The following MC2R variants were observed in gnomAD, a reference collection of about 807,000 sequenced individuals.
MC2R encodes the protein melanocortin 2 receptor.
Under a neutral mutation model 9.8 loss-of-function variants are expected in MC2R, and 9 were observed. The ratio of observed to expected loss-of-function variants is 0.92; its 90% CI spans 0.55 to 1.60. The LOEUF is 1.60. Ranked by LOEUF, MC2R falls within the 40% of genes most tolerant of loss-of-function variation. The pLI, the probability that MC2R is intolerant of heterozygous loss-of-function variation, is 0.00. For missense variants in MC2R, 370 were observed against 389.0 expected (o/e 0.95, Z 0.41); for synonymous variants, 185 against 154.7 (o/e 1.20, Z -1.45).
At chr18:13,895,359 G>A (rs9949192) in intron 1 of MC2R, among the ~76,000 whole-genome samples, 9,824 of 152,196 alleles carry the variant, frequency 0.065, 1,001 homozygotes, top group African/African-American at 0.22. Context: ...AGTAGTACCA[G>A]AAAAATGGAC....
At chr18:13,903,813 C>A (rs1404450835) in intron 1 of MC2R, among the ~76,000 whole-genome samples, 1 of 151,832 alleles carries the variant, frequency 6.6e-6, no homozygotes, top group African/African-American at 2.4e-5. Context: ...CTTAATTGTA[C>A]ATTTTTTAAA....
At chr18:13,908,002 C>T (rs561641244) in intron 1 of MC2R, among the ~76,000 whole-genome samples, 8 of 152,198 alleles carry the variant, frequency 5.3e-5, no homozygotes, top group African/African-American at 1.9e-4. Context: ...ATAGAGCTGC[C>T]ATATGATCCA....
chr18:13,884,235 TG>T lies in MC2R; in HGVS notation c.*389del. On this transcript the variant is annotated 3_prime_UTR_variant, in exon 2 of 2. Transcript: ENST00000327606. ...GCCACCTCAGAACTGGCTTGTTAGA[TG>T]TCCACAGGAAAGCAAGTCTTTGCCT... The T allele has an allele frequency of 3.3e-6, 1 of 304,756 alleles. No individual in the cohort carries two copies. Among genetic ancestry groups the T allele is most frequent in the East Asian group, 8.4e-5 (1 of 11,956 alleles). 18.9% of individuals were successfully genotyped at this position (304,756 alleles called of 1,614,324 possible). A position where few individuals can be genotyped will look rare whatever the true frequency, so the allele number is the denominator to read the frequency against.
At position 13,883,009 on chromosome 18, in the gene MC2R, A is replaced by C. The variant is rs1200270850; in HGVS notation, c.*1616T>G. On this transcript the variant is annotated 3_prime_UTR_variant, in exon 2 of 2. Coordinates refer to ENST00000327606, the MANE Select transcript of MC2R (RefSeq NM_000529.2). ...TGAAAGCACGCCTGCCACTGTCCTC[A>C]CTTGACTCCAGCTGCCTTGCCTCCT... The C allele has an allele frequency of 2.6e-5, 4 of 152,284 alleles. No individual in the cohort carries two copies. In the East Asian group the frequency reaches 7.7e-4, roughly 29 times the overall value. The allele number at this position is 152,284 out of a possible 1,614,324, so 9.4% of individuals were successfully genotyped here.
At chr18:13,907,269 G>A (rs972122821) in intron 1 of MC2R, among the ~76,000 whole-genome samples, 5 of 152,122 alleles carry the variant, frequency 3.3e-5, no homozygotes, top group African/African-American at 9.7e-5. Context: ...CATACAATGG[G>A]GAAAGGACAG....
At chr18:13,892,735 A>G (rs1598462733) in intron 1 of MC2R, among the ~76,000 whole-genome samples, 2 of 152,200 alleles carry the variant, frequency 1.3e-5, no homozygotes, top group Admixed American at 1.3e-4. Flanking sequence ...CAATAAAGAA[A>G]AAAAGAGAGC....
chr18:13,914,889 T>A (rs944950773), intron 1 of MC2R, among the ~76,000 whole-genome samples: 3 of 152,188 alleles, frequency 2.0e-5, no homozygotes, highest in African/African-American at 7.2e-5. Context: ...CAGTATGCTT[T>A]TAGTTATTGT....
At chr18:13,890,594 C>A (rs78005244) in intron 1 of MC2R, among the ~76,000 whole-genome samples, 2 of 152,066 alleles carry the variant, frequency 1.3e-5, no homozygotes, top group Admixed American at 6.6e-5. Context: ...AGCTCCTCTC[C>A]GCGTCCCAGC....
In MC2R at chr18:13,885,149, TCA is replaced by T. The variant is rs774181947; in HGVS notation, c.368_369del (p.Val123AspfsTer125). 6.2e-7 allele frequency: 1 copy of T among 1,614,096 alleles called. No homozygotes were observed. On this transcript the variant is annotated frameshift_variant, in exon 2 of 2. Transcript: ENST00000327606. LOFTEE classifies it high-confidence loss of function. The stretch of plus-strand genomic sequence containing the variant: ...ATGGTGATGTAGCGGTCCGCAGCAA[TCA>T]CAGACAGGCTGAAGATGGAGCCAAG... ...SLLGSIFSLS[V>X]IAADRYITIF...
chr18:13,895,322 C>A (rs942009530), intron 1 of MC2R, among the ~76,000 whole-genome samples: 1 of 152,164 alleles, frequency 6.6e-6, no homozygotes, highest in Admixed American at 6.5e-5. Context: ...TTCTAGAGAT[C>A]AAAATGTTGC....
At position 13,884,599 on chromosome 18, in the gene MC2R, G is replaced by A; in HGVS notation, c.*26C>T. 6.2e-7 allele frequency: 1 copy of A among 1,608,684 alleles called. No individual in the cohort carries two copies. Among genetic ancestry groups the A allele is most frequent in the Non-Finnish European group, 8.5e-7 (1 of 1,179,094 alleles). On this transcript the variant is annotated 3_prime_UTR_variant, in exon 2 of 2. Coordinates refer to ENST00000327606, the MANE Select transcript of MC2R (RefSeq NM_000529.2). The stretch of plus-strand genomic sequence containing the variant: ...GGCACTTGGCAACGTTATTCCCATG[G>A]ATTCTAAAACCAGGGATCAGCCATT...
intron 1 of MC2R, among the ~76,000 whole-genome samples, chr18:13,888,123 AG>A (rs2045288991): frequency 6.6e-6 from 1 of 150,646 alleles, no homozygotes; most frequent in African/African-American, 2.4e-5. Flanking sequence ...AAAAAAAAAA[AG>A]ACATGTTGAA....
At chr18:13,893,732 G>T (rs2045330336) in intron 1 of MC2R, among the ~76,000 whole-genome samples, 1 of 147,042 alleles carries the variant, frequency 6.8e-6, no homozygotes, top group Non-Finnish European at 1.5e-5. Context: ...TTTTGAAGTT[G>T]TAGACAGCAC....
chr18:13,893,773 T>C (rs2045330654), intron 1 of MC2R, among the ~76,000 whole-genome samples: 1 of 152,202 alleles, frequency 6.6e-6, no homozygotes, highest in South Asian at 2.1e-4. Context: ...TCAAATTATA[T>C]AGTACAATGC....
At chr18:13,912,851 G>A (rs1472272261) in intron 1 of MC2R, among the ~76,000 whole-genome samples, 1 of 152,112 alleles carries the variant, frequency 6.6e-6, no homozygotes, top group African/African-American at 2.4e-5. Context: ...TGAATCCAGC[G>A]CACATCTTGT....
intron 1 of MC2R, among the ~76,000 whole-genome samples, chr18:13,897,577 G>A (rs1485222646): frequency 6.6e-6 from 1 of 152,106 alleles, no homozygotes; most frequent in Non-Finnish European, 1.5e-5. Context: ...CTAACTCTAA[G>A]CTGCACAGCT....
chr18:13,886,735 C>A (rs567225297), intron 1 of MC2R, among the ~76,000 whole-genome samples: 3 of 152,158 alleles, frequency 2.0e-5, no homozygotes, highest in Admixed American at 1.3e-4. Flanking sequence ...AGGCGGACTG[C>A]GGCAGTGCAC....
intron 1 of MC2R, among the ~76,000 whole-genome samples, chr18:13,912,326 G>C (rs1055501120): frequency 2.6e-5 from 4 of 152,276 alleles, no homozygotes; most frequent in African/African-American, 9.6e-5. Context: ...GGAGGCTCAG[G>C]GAGGTTGGGT....
intron 1 of MC2R, among the ~76,000 whole-genome samples, chr18:13,896,875 C>T (rs1341462850): frequency 1.3e-5 from 2 of 152,156 alleles, no homozygotes; most frequent in African/African-American, 4.8e-5. Flanking sequence ...GTTAAATATA[C>T]TCCGCAAGTC....
Sources: allele counts gnomAD v4.1 joint callset (sites outside exome capture counted in the v4.1 genomes callset), GRCh38; gene constraint gnomAD v4.1.1; transcripts MANE v1.5; gene names NCBI Gene and HGNC (gene_info 2026-07-23, HGNC 2026-07-21).